PCDHA9: variants seen among roughly 807,000 people sequenced by gnomAD.
PCDHA9 encodes protocadherin alpha-9.
Under a neutral mutation model 62.0 loss-of-function variants are expected in PCDHA9, and 62 were observed. That is an observed-to-expected ratio of 1.00 (90% CI 0.81 to 1.23). PCDHA9 has a LOEUF of 1.23. Among genes scored for constraint, PCDHA9 ranks in the 50% most tolerant of loss-of-function variants. The pLI is 0.00. For missense variants in PCDHA9, 1,205 were observed against 1,249.8 expected (o/e 0.96, Z 0.54); for synonymous variants, 557 against 567.6 (o/e 0.98, Z 0.27).
At position 141,009,807 on chromosome 5, in the gene PCDHA9, T is replaced by C. The variant is rs1554262456; in HGVS notation, c.2723T>C (p.Ile908Thr). ...CGGCAGGAGCCTACTAACAGCCAAA[T>C]TGACAAAAGTGACTTCATAACCTTC... is the stretch of plus-strand genomic sequence containing the variant. ...SIRQEPTNSQIDKSDFITFGK... is the reference protein window; with the variant it reads ...SIRQEPTNSQTDKSDFITFGK... Residue 908 changes from isoleucine to threonine, a missense_variant, in exon 4 of 4, where the codon ATT (isoleucine) becomes ACT (threonine). Ile to Thr is a moderately conservative substitution (Grantham distance 89). This residue lies in a region of PCDHA9 where 887 missense variants were observed against 809.5 expected (regional missense o/e 1.10). Transcript: ENST00000532602. 9.9e-6 allele frequency: 16 copies of C among 1,613,824 alleles called. No homozygotes were observed. Among genetic ancestry groups the C allele is most frequent in the South Asian group, 1.1e-5 (1 of 91,066 alleles).
intron 1 of PCDHA9, among the ~76,000 whole-genome samples, chr5:140,912,343 AT>A (rs35252606): frequency 0.42 from 59,775 of 143,548 alleles, 12,483 homozygotes; most frequent in African/African-American, 0.57. Context: ...TACACTAAGT[AT>A]TTTTTTTTTT....
At chr5:140,926,618 G>T in intron 1 of PCDHA9, 1 of 382,578 alleles carries the variant, frequency 2.6e-6, no homozygotes, top group Non-Finnish European at 4.6e-6. Flanking sequence ...TGCACCCCTA[G>T]GCGGCGCTGC....
At position 140,856,588 on chromosome 5, in the gene PCDHA9, T is replaced by C. The variant is rs201362862; in HGVS notation, c.2394+5699T>C. The C allele has an allele frequency of 5.2e-5, 83 of 1,597,798 alleles. 1 individual carries two copies. In the East Asian group the frequency reaches 1.3e-3, roughly 25 times the overall value. ...GTCCAAATGAGTATTTTGTTCTTGA[T>C]ATTATAAACAAAAAAGACAAAGACA... On this transcript the variant is annotated intron_variant, in intron 1 of 3. Coordinates refer to ENST00000532602, the MANE Select transcript of PCDHA9 (RefSeq NM_031857.2).
chr5:140,963,454 T>G (rs1299471186), intron 1 of PCDHA9, among the ~76,000 whole-genome samples: 2 of 152,242 alleles, frequency 1.3e-5, no homozygotes, highest in African/African-American at 4.8e-5. Context: ...TGCTAAAGTA[T>G]TTCTGTGTTT....
intron 1 of PCDHA9, chr5:140,861,935 C>T (rs2047149357): frequency 6.5e-6 from 1 of 153,898 alleles, no homozygotes; most frequent in Admixed American, 6.5e-5. Flanking sequence ...TGATGATGCC[C>T]AGTGTTTGAC....
In PCDHA9 at chr5:140,897,362, T is replaced by C. The variant is rs1395353589; in HGVS notation, c.2394+46473T>C. Among the ~76,000 whole-genome samples the C allele has an allele frequency of 2.5e-5, 3 of 120,464 alleles. No homozygotes were observed. The East Asian group carries it at 7.6e-4, about 30-fold the overall frequency. 79.0% of individuals were successfully genotyped at this position (120,464 alleles called of 152,430 possible). ...CCCCACCCCACAACTGTCCCCAGAG[T>C]GTGATGTTCCCTTCCCCTTCCTGTG... On this transcript the variant is annotated intron_variant, in intron 1 of 3. Coordinates refer to ENST00000532602, the MANE Select transcript of PCDHA9 (RefSeq NM_031857.2).
intron 2 of PCDHA9, among the ~76,000 whole-genome samples, chr5:140,979,710 A>C (rs1178718053): frequency 1.3e-5 from 2 of 152,268 alleles, no homozygotes; most frequent in African/African-American, 4.8e-5. Flanking sequence ...GAGGTGATCC[A>C]GTATCCATGC....
At chr5:140,955,397 A>T (rs1470827673) in intron 1 of PCDHA9, among the ~76,000 whole-genome samples, 19 of 152,128 alleles carry the variant, frequency 1.2e-4, no homozygotes, top group Admixed American at 1.1e-3. Context: ...CAATTATCCC[A>T]TACAGTTCTC....
At chr5:140,860,913 A>G (rs1423371903) in intron 1 of PCDHA9, 5 of 152,086 alleles carry the variant, frequency 3.3e-5, no homozygotes, top group African/African-American at 9.7e-5. Flanking sequence ...AATTTTTTGT[A>G]TTTTTAGTAG....
chr5:140,994,281 G>T (rs2097610222), intron 3 of PCDHA9, among the ~76,000 whole-genome samples: 1 of 152,144 alleles, frequency 6.6e-6, no homozygotes. Flanking sequence ...CCTTTCTTGA[G>T]ACAGTCCCCA....
chr5:140,967,024 T>G, intron 1 of PCDHA9: 1 of 1,608,238 alleles, frequency 6.2e-7, no homozygotes, highest in Non-Finnish European at 8.5e-7. Flanking sequence ...GTGCGCCCAG[T>G]CCGCGCTACC....
intron 1 of PCDHA9, among the ~76,000 whole-genome samples, chr5:140,945,598 T>C (rs544036785): frequency 1.3e-5 from 2 of 152,116 alleles, no homozygotes; most frequent in South Asian, 2.1e-4. Flanking sequence ...TTCAAAGCTA[T>C]AATAATCAAA....
At chr5:141,005,436 G>T (rs1554260042) in intron 3 of PCDHA9, among the ~76,000 whole-genome samples, 2 of 152,080 alleles carry the variant, frequency 1.3e-5, no homozygotes, top group East Asian at 1.9e-4. Flanking sequence ...TGGATGAGAG[G>T]CTCACGCCTG....
At chr5:140,968,036 A>G (rs1554230231) in intron 1 of PCDHA9, 1 of 1,614,042 alleles carries the variant, frequency 6.2e-7, no homozygotes, top group African/African-American at 1.3e-5. Context: ...ACTGGTGGTG[A>G]GCGGCCCACT....
At chr5:140,869,799 C>T (rs781959839) in intron 1 of PCDHA9, 1 of 1,612,706 alleles carries the variant, frequency 6.2e-7, no homozygotes, top group Non-Finnish European at 8.5e-7. Flanking sequence ...TAGTCCAAGT[C>T]TTGGATGTCA....
intron 1 of PCDHA9, among the ~76,000 whole-genome samples, chr5:140,894,001 G>A (rs2064275871): frequency 6.6e-6 from 1 of 152,098 alleles, no homozygotes; most frequent in African/African-American, 2.4e-5. Context: ...CAATTGTATG[G>A]TTGGTTCAAA....
intron 1 of PCDHA9, chr5:140,865,781 A>G (rs1213634186): frequency 3.3e-5 from 5 of 152,208 alleles, no homozygotes; most frequent in Admixed American, 1.3e-4. Flanking sequence ...TCAAATGTGT[A>G]TCTTTCAGGC....
At chr5:140,918,036 C>G (rs1423930397) in intron 1 of PCDHA9, among the ~76,000 whole-genome samples, 1 of 152,036 alleles carries the variant, frequency 6.6e-6, no homozygotes, top group Non-Finnish European at 1.5e-5. Flanking sequence ...CGTGGAAGGT[C>G]TTTCCATTTG....
chr5:140,877,982 T>A, intron 1 of PCDHA9: 1 of 1,221,278 alleles, frequency 8.2e-7, no homozygotes, highest in Non-Finnish European at 1.1e-6. Flanking sequence ...CTTACTCATT[T>A]TGAACTTTTA....
Sources: gnomAD v4.1 joint callset for allele counts (sites outside exome capture counted in the v4.1 genomes callset) on GRCh38, gnomAD v4.1.1 for gene constraint, gnomAD v4.1.1 regional missense constraint, MANE v1.5 for transcripts, NCBI Gene and HGNC (gene_info 2026-07-23, HGNC 2026-07-21) for gene names.